BPIFB3: variants seen among roughly 807,000 people sequenced by gnomAD.
BPIFB3 encodes the protein BPI fold containing family B member 3, also known as BPI fold-containing family B member 3.
A neutral mutation model predicts 53.1 loss-of-function variants in BPIFB3; 49 were observed. The ratio of observed to expected loss-of-function variants is 0.92; its 90% CI spans 0.73 to 1.17. BPIFB3 has a LOEUF of 1.17. BPIFB3 is among the 50% of genes most tolerant of loss of function. The pLI, the probability that BPIFB3 is intolerant of heterozygous loss-of-function variation, is 0.00. For missense variants in BPIFB3, 628 were observed against 592.5 expected, an observed-to-expected ratio of 1.06 and a Z score of -0.62; for synonymous variants, 271 against 269.6, an observed-to-expected ratio of 1.01 and a Z score of -0.05.
intron 4 of BPIFB3, 28 bp from the exon 6 acceptor site, chr20:33,061,740 G>C (rs769651867): frequency 1.2e-6 from 2 of 1,611,222 alleles, no homozygotes; most frequent in Non-Finnish European, 1.7e-6. Context: ...CCTGGCAGCC[G>C]CACCCACATG....
intron 4 of BPIFB3, among the ~76,000 whole-genome samples, chr20:33,061,532 G>A (rs926510570): frequency 2.6e-5 from 4 of 152,128 alleles, no homozygotes; most frequent in African/African-American, 7.2e-5. Flanking sequence ...CATGTAACCC[G>A]GGCAGCAGCA....
At chr20:33,064,596 G>A in intron 7 of BPIFB3, 48 bp downstream of exon 8, 2 of 1,613,004 alleles carry the variant, frequency 1.2e-6, no homozygotes, top group South Asian at 1.1e-5. Flanking sequence ...GGCTAGATAG[G>A]GGATGCCGGA....
intron 9 of BPIFB3, 110 bp downstream of exon 10, chr20:33,066,987 TTGAGTCCAAATTCACACTAAAGTGTGAA>T: frequency 8.9e-7 from 1 of 1,119,644 alleles, no homozygotes; most frequent in Admixed American, 1.9e-5. Context: ...AATTGAACAG[TTGAGTCCAAATTCACACTAAAGTGTGAA>T]TGACTAACAC....
intron 6 of BPIFB3, among the ~76,000 whole-genome samples, chr20:33,063,890 C>G (rs6057715): frequency 0.38 from 57,671 of 152,026 alleles, 11,756 homozygotes; most frequent in East Asian, 0.79. Context: ...CATCAGTTCT[C>G]TCTATGTTGG....
At chr20:33,055,449 G>T (rs773351282) in exon 1 of BPIFB3, 8 of 1,613,698 alleles carry the variant, frequency 5.0e-6, no homozygotes, top group Non-Finnish European at 6.8e-6. Context: ...CTGGCCCTGT[G>T]GTCCCTGCTT....
chr20:33,056,901 C>G (rs915089134), intron 2 of BPIFB3, among the ~76,000 whole-genome samples: 1 of 152,198 alleles, frequency 6.6e-6, no homozygotes, highest in Non-Finnish European at 1.5e-5. Flanking sequence ...GGTTCCAGCT[C>G]TGGGGTCAAC....
chr20:33,071,376 T>A, intron 12 of BPIFB3, 81 bp downstream of exon 13: 1 of 1,465,236 alleles, frequency 6.8e-7, no homozygotes, highest in Non-Finnish European at 9.3e-7. Flanking sequence ...CCATGAGTCA[T>A]GGGCCATATG....
At chr20:33,059,723 C>T (rs1342605311) in intron 3 of BPIFB3, among the ~76,000 whole-genome samples, 168 bp from the exon 5 acceptor site, 2 of 152,186 alleles carry the variant, frequency 1.3e-5, no homozygotes, top group African/African-American at 4.8e-5. Flanking sequence ...CGCTCAGGCT[C>T]ACCTGAGAGG....
intron 8 of BPIFB3, 70 bp from the exon 10 acceptor site, chr20:33,066,754 C>A: frequency 6.7e-7 from 1 of 1,487,022 alleles, no homozygotes; most frequent in Non-Finnish European, 9.4e-7. Context: ...AACGAAACTG[C>A]TCTGAGTGTG....
intron 2 of BPIFB3, among the ~76,000 whole-genome samples, chr20:33,058,361 T>C (rs956740512): frequency 6.6e-6 from 1 of 152,198 alleles, no homozygotes; most frequent in African/African-American, 2.4e-5. Context: ...TCAATGTCCC[T>C]ATTTTACAGA....
At chr20:33,065,563 G>A (rs199639101) in intron 8 of BPIFB3, among the ~76,000 whole-genome samples, 1 of 57,840 alleles carries the variant, frequency 1.7e-5, no homozygotes, top group African/African-American at 5.6e-5. Flanking sequence ...AAAAGAAAAA[G>A]AAAGAAAGAG....
chr20:33,071,206 G>T (rs1306278152), intron 11 of BPIFB3, 47 bp from the exon 13 acceptor site: 1 of 1,527,102 alleles, frequency 6.5e-7, no homozygotes, highest in East Asian at 2.5e-5. Context: ...TGGGACAGGG[G>T]TGGTTGGGGG....
chr20:33,059,348 G>A (rs888464728), intron 2 of BPIFB3, 30 bp from the exon 4 acceptor site: 8 of 1,560,566 alleles, frequency 5.1e-6, no homozygotes, highest in Non-Finnish European at 7.0e-6. Context: ...GTCTGGGAGT[G>A]AGCAACCCTC....
chr20:33,064,666 C>G, exon 8 of BPIFB3: 1 of 1,613,588 alleles, frequency 6.2e-7, no homozygotes, highest in Non-Finnish European at 8.5e-7. Flanking sequence ...GCCCCTGCAG[C>G]CTATCGTGAA....
chr20:33,057,748 C>T (rs1055972925), intron 2 of BPIFB3, among the ~76,000 whole-genome samples: 1 of 151,966 alleles, frequency 6.6e-6, no homozygotes, highest in African/African-American at 2.4e-5. Context: ...ATATAGGATT[C>T]CAGAACACTC....
chr20:33,066,785 C>A, intron 8 of BPIFB3, 39 bp from the exon 10 acceptor site: 1 of 1,599,082 alleles, frequency 6.3e-7, no homozygotes, highest in Non-Finnish European at 8.6e-7. Context: ...CCTGTTCTGT[C>A]TCTGTGCTCA....
At chr20:33,063,277 C>G (rs1980527426) in intron 5 of BPIFB3, among the ~76,000 whole-genome samples, 1 of 152,190 alleles carries the variant, frequency 6.6e-6, no homozygotes, top group African/African-American at 2.4e-5. Flanking sequence ...TATGGGGAAC[C>G]AAAGCCGCTT....
At chr20:33,062,331 T>C (rs1369441091) in intron 5 of BPIFB3, among the ~76,000 whole-genome samples, 1 of 152,086 alleles carries the variant, frequency 6.6e-6, no homozygotes, top group Non-Finnish European at 1.5e-5. Context: ...CCAAACCCCA[T>C]ATCACCGAGG....
At position 33,055,559 on chromosome 20, in the gene BPIFB3, G is replaced by A. The variant is rs1285282846; in HGVS notation, c.124+12G>A. On this transcript the variant is annotated intron_variant, in intron 1 of 14. Transcript: ENST00000375494. ...TGAACTCGGCAAAGGTGAGCCCCAGGTGGGCAGTCTGTGAGGGGGCTGCTG... is the reference window on the plus strand; with the variant it reads ...TGAACTCGGCAAAGGTGAGCCCCAGATGGGCAGTCTGTGAGGGGGCTGCTG... The A allele has an allele frequency of 8.7e-6, 14 of 1,613,438 alleles. No homozygotes were observed. The highest frequency in any genetic ancestry group is 1.2e-5 in the Non-Finnish European group (14 of 1,180,006).
Sources: allele counts gnomAD v4.1 joint callset (sites outside exome capture counted in the v4.1 genomes callset), GRCh38; gene constraint gnomAD v4.1.1; transcripts MANE v1.5; gene names NCBI Gene and HGNC (gene_info 2026-07-23, HGNC 2026-07-21).